Variants in BTD observed in about 807,000 individuals in gnomAD.
The protein encoded by BTD is biocytinase.
A neutral mutation model predicts 17.7 loss-of-function variants in BTD; 13 were observed. The ratio of observed to expected loss-of-function variants is 0.74; its 90% confidence interval spans 0.48 to 1.17. The LOEUF is 1.17. Ranked by LOEUF, BTD falls within the 50% of genes most tolerant of loss-of-function variation. BTD has a pLI of 0.00. For missense variants in BTD, 674 were observed against 650.4 expected, an observed-to-expected ratio of 1.04 and a Z score of -0.39; for synonymous variants, 240 against 245.2, an observed-to-expected ratio of 0.98 and a Z score of 0.20.
Position 15,682,313 on chromosome 3 carries a change from G to A in BTD, c.400-27747G>A, listed in dbSNP as rs574712220. Among the ~76,000 whole-genome samples the A allele has an allele frequency of 2.6e-5, 4 of 152,216 alleles. No homozygotes were observed. In the South Asian group the frequency reaches 6.2e-4, roughly 24 times the overall value. ...CAGTCAGTATCAATCCATAGTTCCTGAGACCAAAGGGTTTGAGAACCACTC... is the reference window on the plus strand; with the variant it reads ...CAGTCAGTATCAATCCATAGTTCCTAAGACCAAAGGGTTTGAGAACCACTC... On this transcript the variant is annotated intron_variant, in intron 3 of 3. Coordinates refer to the BTD transcript ENST00000672141.
chr3:15,603,364 AAGCAAGCT>A (rs1204470245), intron 1 of BTD, among the ~76,000 whole-genome samples: 2 of 152,176 alleles, frequency 1.3e-5, no homozygotes, highest in Non-Finnish European at 2.9e-5. Context: ...GTAAAATCAA[AAGCAAGCT>A]AGTGGCTGGG....
intron 3 of BTD, among the ~76,000 whole-genome samples, chr3:15,692,045 C>T (rs1969095): frequency 0.5 from 74,674 of 150,770 alleles, 20,399 homozygotes; most frequent in Middle Eastern, 0.61. Context: ...GAGGCTGAGG[C>T]GGAAGTATCA....
intron 3 of BTD, chr3:15,696,328 G>T (rs2069547257): frequency 1.1e-6 from 1 of 889,438 alleles, no homozygotes; most frequent in South Asian, 1.8e-5. Flanking sequence ...ATTAAAAACT[G>T]ACAATTTTTC....
intron 3 of BTD, among the ~76,000 whole-genome samples, chr3:15,671,719 G>A (rs1268306791): frequency 6.6e-6 from 1 of 151,760 alleles, no homozygotes; most frequent in Non-Finnish European, 1.5e-5. Context: ...GAGTAGCTGG[G>A]ATTACACGTG....
intron 3 of BTD, among the ~76,000 whole-genome samples, chr3:15,682,038 T>C (rs919819174): frequency 6.6e-6 from 1 of 152,078 alleles, no homozygotes. Context: ...TCTCCAGGTA[T>C]ATGGGTTCTT....
At chr3:15,720,811 T>C in intron 4 of BTD, 1 of 1,018,682 alleles carries the variant, frequency 9.8e-7, no homozygotes, top group Non-Finnish European at 1.4e-6. Flanking sequence ...ATCCATGTTC[T>C]TGAGTTTATC....
chr3:15,702,412 A>C (rs2070749477), intron 3 of BTD, among the ~76,000 whole-genome samples: 1 of 152,214 alleles, frequency 6.6e-6, no homozygotes, highest in Non-Finnish European at 1.5e-5. Flanking sequence ...TGTTCATTTT[A>C]TGAAACGCAG....
At chr3:15,618,493 G>A (rs949109430) in intron 1 of BTD, among the ~76,000 whole-genome samples, 4 of 152,044 alleles carry the variant, frequency 2.6e-5, no homozygotes, top group Non-Finnish European at 5.9e-5. Flanking sequence ...TTCATATGTA[G>A]GGTACGAATA....
intron 1 of BTD, among the ~76,000 whole-genome samples, chr3:15,609,424 A>T (rs1172154520): frequency 2.0e-5 from 3 of 152,176 alleles, no homozygotes; most frequent in Non-Finnish European, 4.4e-5. Context: ...TTTTGGAAAC[A>T]GTGTGCTCTG....
At chr3:15,640,987 C>T (rs1157610566) in intron 2 of BTD, among the ~76,000 whole-genome samples, 1 of 152,188 alleles carries the variant, frequency 6.6e-6, no homozygotes, top group Non-Finnish European at 1.5e-5. Context: ...CCTTCTCTGC[C>T]TGCCTTCTCC....
At chr3:15,621,747 C>G (rs1028083616) in intron 1 of BTD, among the ~76,000 whole-genome samples, 6 of 151,968 alleles carry the variant, frequency 3.9e-5, no homozygotes, top group African/African-American at 1.5e-4. Flanking sequence ...TTACAGGTGC[C>G]CACCACCACG....
intron 1 of BTD, among the ~76,000 whole-genome samples, chr3:15,605,317 A>T (rs1005653354): frequency 6.6e-6 from 1 of 152,188 alleles, no homozygotes; most frequent in African/African-American, 2.4e-5. Flanking sequence ...CCCATTTATA[A>T]AACCATCACA....
rs749528636 is a variant in BTD at position 15,645,077 on chromosome 3, T to C, written c.1161T>C (p.Pro387=). ...TGTATGACAATTTCACCCTGGTCCCTGTCTGGGGAAAGGAAGGCTATCTCC... is the reference window on the plus strand; with the variant it reads ...TGTATGACAATTTCACCCTGGTCCCCGTCTGGGGAAAGGAAGGCTATCTCC... The part of the protein sequence containing the change: ...EMMYDNFTLV[P]VWGKEGYLHV... The change falls in exon 4 of 4, where the codon CCT becomes CCC. Residue 387 remains proline (P), a synonymous_variant. Transcript: ENST00000643237. 7 of 1,614,232 alleles carry C rather than the reference T, an allele frequency of 4.3e-6. No individual in the cohort carries two copies. The highest frequency in any genetic ancestry group is 1.7e-5 in the Admixed American group (1 of 60,030).
chr3:15,685,168 T>A, intron 3 of BTD: 1 of 1,573,086 alleles, frequency 6.4e-7, no homozygotes, highest in East Asian at 2.2e-5. Flanking sequence ...TATAAATATG[T>A]CATTCTTTTA....
chr3:15,713,531 C>G (rs758765281), downstream of BTD: 1 of 1,609,860 alleles, frequency 6.2e-7, no homozygotes, highest in Non-Finnish European at 8.5e-7. Context: ...ACTTACTTTG[C>G]AGTGTCAGCA....
chr3:15,642,007 G>C lies in BTD; in HGVS notation c.349G>C (p.Val117Leu), dbSNP rs1381932879. ...TTTGGACTTCATGCCGTCTCCCCAGGTGGTCAGGTGGAACCCATGCCTGGA... is the reference window on the plus strand; with the variant it reads ...TTTGGACTTCATGCCGTCTCCCCAGCTGGTCAGGTGGAACCCATGCCTGGA... ...PFLDFMPSPQ[V>L]VRWNPCLEPH... Residue 117 changes from valine (V) to leucine (L), a missense_variant, in exon 3 of 4, where the codon GTG becomes CTG. Physicochemically the swap from Val to Leu is conservative, Grantham distance 32 (BLOSUM62 1). Coordinates refer to ENST00000643237, the MANE Select transcript of BTD (RefSeq NM_001370658.1). The C allele has an allele frequency of 6.2e-7, 1 of 1,614,168 alleles. No homozygotes were observed. Among genetic ancestry groups the C allele is most frequent in the Non-Finnish European group, 8.5e-7 (1 of 1,180,042 alleles).
At chr3:15,690,558 G>A (rs904266656) in intron 3 of BTD, among the ~76,000 whole-genome samples, 1 of 152,040 alleles carries the variant, frequency 6.6e-6, no homozygotes, top group Non-Finnish European at 1.5e-5. Context: ...ATTCTAAAAA[G>A]CCTGTGTTTT....
At chr3:15,689,007 T>C (rs530895340) in intron 3 of BTD, among the ~76,000 whole-genome samples, 1 of 152,364 alleles carries the variant, frequency 6.6e-6, no homozygotes, top group South Asian at 2.1e-4. Context: ...ATAAAGTGTT[T>C]CAGAAGTTAG....
chr3:15,629,433 G>C (rs909291307), intron 1 of BTD, among the ~76,000 whole-genome samples: 4 of 152,148 alleles, frequency 2.6e-5, no homozygotes, highest in African/African-American at 9.7e-5. Flanking sequence ...GAGACCCTCT[G>C]CTCTGGTCTG....
Sources: allele counts gnomAD v4.1 joint callset (sites outside exome capture counted in the v4.1 genomes callset), GRCh38; gene constraint gnomAD v4.1.1; transcripts MANE v1.5; gene names NCBI Gene and HGNC (gene_info 2026-07-23, HGNC 2026-07-21).